EWSR1: variants seen among roughly 807,000 people sequenced by gnomAD.
The protein encoded by EWSR1 is EWS RNA binding protein 1, also known as RNA-binding protein EWS.
Under a neutral mutation model 92.1 loss-of-function variants are expected in EWSR1, and 14 were observed. The ratio of observed to expected loss-of-function variants is 0.15; its 90% CI spans 0.10 to 0.24. EWSR1 has a LOEUF of 0.24. Among genes scored for constraint, EWSR1 ranks in the 10% least tolerant of loss-of-function variants. The pLI is 1.00. For synonymous variants in EWSR1, 303 were observed against 292.9 expected, an observed-to-expected ratio of 1.03 and a Z score of -0.35; for missense variants, 637 against 870.9, an observed-to-expected ratio of 0.73 and a Z score of 3.38.
intron 13 of EWSR1, among the ~76,000 whole-genome samples, chr22:29,298,332 T>C (rs148276964): frequency 0.022 from 3,358 of 152,052 alleles, 52 homozygotes; most frequent in Non-Finnish European, 0.036. Flanking sequence ...GTGGTGAAAC[T>C]CCCTCTCTAC....
chr22:29,286,794 G>C, intron 6 of EWSR1, 129 bp from the exon 7 acceptor site: 1 of 641,236 alleles, frequency 1.6e-6, no homozygotes, highest in Non-Finnish European at 2.7e-6. Context: ...TTGTTGATGT[G>C]TAGAAAGTAA....
intron 13 of EWSR1, among the ~76,000 whole-genome samples, chr22:29,298,233 C>T (rs1328135374): frequency 3.3e-5 from 5 of 152,146 alleles, no homozygotes; most frequent in Non-Finnish European, 7.4e-5. Flanking sequence ...CAGCCAGGTG[C>T]AGTGGCTCAC....
At chr22:29,279,742 G>T (rs535226782) in intron 5 of EWSR1, among the ~76,000 whole-genome samples, 1 of 152,292 alleles carries the variant, frequency 6.6e-6, no homozygotes, top group African/African-American at 2.4e-5. Flanking sequence ...AATCGGAGCC[G>T]CTTGGCAATT....
At chr22:29,294,562 G>A (rs1217526720) in intron 11 of EWSR1, among the ~76,000 whole-genome samples, 3 of 148,908 alleles carry the variant, frequency 2.0e-5, no homozygotes, top group Non-Finnish European at 4.4e-5. Flanking sequence ...CTGAGATGGC[G>A]CCACTGCATT....
chr22:29,269,951 AAGTAAACACATT>A (rs1333612379), intron 1 of EWSR1, among the ~76,000 whole-genome samples: 15 of 152,242 alleles, frequency 9.9e-5, no homozygotes, highest in African/African-American at 3.4e-4. Flanking sequence ...TGTTGACACA[AAGTAAACACATT>A]AGGCCTGGCT....
chr22:29,296,062 A>AGC, intron 11 of EWSR1, 177 bp from the exon 12 acceptor site: 1 of 652,560 alleles, frequency 1.5e-6, no homozygotes, highest in Non-Finnish European at 2.5e-6. Flanking sequence ...TTTATGATAA[A>AGC]GCAGGGATAG....
At chr22:29,286,762 A>G (rs184164884) in intron 6 of EWSR1, among the ~76,000 whole-genome samples, 161 bp from the exon 7 acceptor site, 5 of 151,150 alleles carry the variant, frequency 3.3e-5, no homozygotes, top group African/African-American at 1.2e-4. Context: ...ACACAAAAGT[A>G]TTTGCTGAGT....
chr22:29,278,363 T>A, intron 5 of EWSR1, 147 bp downstream of exon 5: 1 of 780,004 alleles, frequency 1.3e-6, no homozygotes, highest in Non-Finnish European at 2.0e-6. Context: ...ACTGATGTGC[T>A]AGAACATACC....
chr22:29,285,717 C>T (rs2147297645), intron 6 of EWSR1, among the ~76,000 whole-genome samples: 1 of 151,520 alleles, frequency 6.6e-6, no homozygotes, highest in African/African-American at 2.5e-5. Flanking sequence ...ACTTCACTCT[C>T]TCTATATTTT....
intron 5 of EWSR1, among the ~76,000 whole-genome samples, chr22:29,279,515 G>A (rs2059398118): frequency 6.6e-6 from 1 of 152,212 alleles, no homozygotes; most frequent in African/African-American, 2.4e-5. Flanking sequence ...TGGTTAGCAG[G>A]TAAACAGTAT....
chr22:29,284,451 A>G (rs1000610237), intron 6 of EWSR1, among the ~76,000 whole-genome samples: 12 of 151,396 alleles, frequency 7.9e-5, no homozygotes, highest in Non-Finnish European at 1.5e-4. Context: ...CTCTCCATAC[A>G]GCCAGCTTGG....
rs544932805 is a variant in EWSR1 at position 29,294,771 on chromosome 22, G to A, written c.1165-1468G>A. Among the ~76,000 whole-genome samples the A allele has an allele frequency of 2.6e-5, 4 of 151,646 alleles. 1 individual carries two copies. The highest frequency in any genetic ancestry group is 9.7e-5 in the African/African-American group (4 of 41,324). On this transcript the variant is annotated intron_variant, in intron 11 of 16. Transcript: ENST00000397938. Reference sequence around the variant, plus strand: ...TCTACTAAAAATACAGAAATTAGCCGGGTGTGGTGACACGCGCCTGTAGTT... The same window carrying A: ...TCTACTAAAAATACAGAAATTAGCCAGGTGTGGTGACACGCGCCTGTAGTT...
chr22:29,274,117 A>G (rs868722227), intron 4 of EWSR1: 56 of 919,148 alleles, frequency 6.1e-5, no homozygotes, highest in Admixed American at 1.1e-4. Flanking sequence ...TCACGATGAA[A>G]TGGAGACTAT....
intron 14 of EWSR1, 57 bp from the exon 15 acceptor site, chr22:29,299,177 C>G: frequency 6.2e-7 from 1 of 1,613,782 alleles, no homozygotes; most frequent in Non-Finnish European, 8.5e-7. Context: ...ACCACCTTTC[C>G]TTGTTTATCT....
At chr22:29,275,966 C>G (rs1408846944) in intron 4 of EWSR1, 1 of 222,650 alleles carries the variant, frequency 4.5e-6, no homozygotes, top group Non-Finnish European at 8.8e-6. Context: ...TCATTTTGCT[C>G]TGTTGATTTT....
In EWSR1 at chr22:29,298,851, A is replaced by T. The variant is rs375087308; in HGVS notation, c.1536A>T (p.Gly512=). 143 of 1,583,298 alleles carry T rather than the reference A, an allele frequency of 9.0e-5. No individual in the cohort carries two copies. The highest frequency in any genetic ancestry group is 1.1e-4 in the Non-Finnish European group (125 of 1,170,540). ...PRGSRGNPSG[G]GNVQHRAGDW... ...GTTCCCGAGGGAACCCCTCTGGAGG[A>T]GGAAACGTCCAGCACCGAGCTGGAG... The change falls in exon 14 of 17, where the codon GGA becomes GGT. Residue 512 remains glycine, a synonymous_variant. Coordinates refer to ENST00000397938, the MANE Select transcript of EWSR1 (RefSeq NM_005243.4).
chr22:29,268,421 G>C, intron 1 of EWSR1, 72 bp downstream of exon 1: 1 of 1,613,130 alleles, frequency 6.2e-7, no homozygotes. Flanking sequence ...TCGTCTCTGG[G>C]CTTGGCTGGG....
intron 13 of EWSR1, 132 bp from the exon 14 acceptor site, chr22:29,298,601 C>T (rs572870560): frequency 8.8e-6 from 10 of 1,139,720 alleles, no homozygotes; most frequent in Admixed American, 3.8e-5. Context: ...CTGAGCCACA[C>T]GGAAACACGG....
chr22:29,292,626 G>C lies in EWSR1; in HGVS notation c.1164+20G>C, dbSNP rs2060518370. 4 of 1,491,652 alleles carry C rather than the reference G, an allele frequency of 2.7e-6. No individual in the cohort carries two copies. Among genetic ancestry groups the C allele is most frequent in the Non-Finnish European group, 3.7e-6 (4 of 1,070,838 alleles). 92.4% of individuals were successfully genotyped at this position (1,491,652 alleles called of 1,614,324 possible). ...GTTAAGGTCAGTAAAAGCATAACCAGGTCATCTGGCAGAACTTTAAACCAC... is the reference window on the plus strand; with the variant it reads ...GTTAAGGTCAGTAAAAGCATAACCACGTCATCTGGCAGAACTTTAAACCAC... On this transcript the variant is annotated intron_variant, in intron 11 of 16. Transcript: ENST00000397938.
Sources: allele counts gnomAD v4.1 joint callset (sites outside exome capture counted in the v4.1 genomes callset), GRCh38; gene constraint gnomAD v4.1.1; transcripts MANE v1.5; gene names NCBI Gene and HGNC (gene_info 2026-07-23, HGNC 2026-07-21).